The following HS3ST4 variants were observed in gnomAD, a reference collection of about 807,000 sequenced individuals.
HS3ST4 encodes the protein heparan sulfate glucosamine 3-O-sulfotransferase 4.
In HS3ST4, 17 loss-of-function variants were observed where a neutral mutation model predicts 29.2. That is an observed-to-expected ratio of 0.58 (90% confidence interval 0.40 to 0.87). The LOEUF (loss-of-function observed/expected upper bound fraction) is 0.87. Ranked by LOEUF, HS3ST4 falls within the 40% of genes least tolerant of loss-of-function variation. The pLI, the probability that HS3ST4 is intolerant of heterozygous loss-of-function variation, is 0.00. For missense variants in HS3ST4, 627 were observed against 634.5 expected (o/e 0.99, Z 0.13); for synonymous variants, 314 against 285.7 (o/e 1.10, Z -1.00).
At chr16:25,723,478 G>A (rs1023743319) in intron 1 of HS3ST4, among the ~76,000 whole-genome samples, 3 of 152,072 alleles carry the variant, frequency 2.0e-5, no homozygotes, top group Non-Finnish European at 4.4e-5. Context: ...TACTGTTCAG[G>A]GTTCTAGGAA....
At chr16:26,089,719 T>C (rs1194972704) in intron 1 of HS3ST4, among the ~76,000 whole-genome samples, 1 of 152,234 alleles carries the variant, frequency 6.6e-6, no homozygotes. Context: ...TTGTTTTGCT[T>C]CTGTTCGCTT....
chr16:25,748,774 C>A (rs1966700506), intron 1 of HS3ST4, among the ~76,000 whole-genome samples: 1 of 152,170 alleles, frequency 6.6e-6, no homozygotes. Flanking sequence ...TGCCTGACTT[C>A]TCATAAATTG....
At chr16:26,072,365 G>T (rs1415707306) in intron 1 of HS3ST4, among the ~76,000 whole-genome samples, 1 of 152,154 alleles carries the variant, frequency 6.6e-6, no homozygotes, top group East Asian at 1.9e-4. Flanking sequence ...GTGTACTCTG[G>T]CTGATGAGCT....
intron 1 of HS3ST4, among the ~76,000 whole-genome samples, chr16:25,741,162 T>C (rs1345831822): frequency 6.6e-6 from 1 of 152,086 alleles, no homozygotes; most frequent in Non-Finnish European, 1.5e-5. Context: ...AAACATGTAT[T>C]GTACGCAGAC....
chr16:25,731,116 G>GGCTT (rs56000924), intron 1 of HS3ST4, among the ~76,000 whole-genome samples: 7,414 of 152,108 alleles, frequency 0.049, 304 homozygotes, highest in African/African-American at 0.11. Flanking sequence ...GCTTGCCTGA[G>GGCTT]GCTTGGTGTC....
Position 26,027,327 on chromosome 16 carries a change from A to G in HS3ST4, c.735-108285A>G, listed in dbSNP as rs77047941. ...ATTTCTGTGGTTCTCATTGGCCAGT[A>G]GTTGAAACATGACCCAGGGAACTAC... On this transcript the variant is annotated intron_variant, in intron 1 of 1. Transcript: ENST00000331351. Among the ~76,000 whole-genome samples the G allele has an allele frequency of 3.2e-3, 488 of 152,302 alleles. 13 individuals carry two copies. In the East Asian group the frequency reaches 0.054, roughly 17 times the overall value.
At chr16:26,021,978 T>G (rs551485460) in intron 1 of HS3ST4, among the ~76,000 whole-genome samples, 18 of 152,030 alleles carry the variant, frequency 1.2e-4, no homozygotes, top group Admixed American at 6.5e-4. Flanking sequence ...TATTATTTTT[T>G]GGGGGACAGG....
intron 1 of HS3ST4, among the ~76,000 whole-genome samples, chr16:25,894,604 C>A (rs2141670432): frequency 6.6e-6 from 1 of 151,712 alleles, no homozygotes; most frequent in African/African-American, 2.4e-5. Context: ...CTCCCAGGTT[C>A]AAGTGACTCT....
intron 1 of HS3ST4, among the ~76,000 whole-genome samples, chr16:26,051,816 T>C (rs1314971061): frequency 6.6e-6 from 1 of 151,188 alleles, no homozygotes; most frequent in East Asian, 1.9e-4. Context: ...TCTCCCTTTC[T>C]TTCCATTCTC....
intron 1 of HS3ST4, among the ~76,000 whole-genome samples, chr16:25,751,609 T>C (rs1426719013): frequency 2.6e-5 from 4 of 152,196 alleles, no homozygotes; most frequent in Admixed American, 6.5e-5. Flanking sequence ...TGAATAGTGC[T>C]AACAGACCTG....
intron 1 of HS3ST4, among the ~76,000 whole-genome samples, chr16:26,117,272 A>G (rs1899213450): frequency 1.3e-5 from 2 of 152,248 alleles, no homozygotes; most frequent in Admixed American, 1.3e-4. Context: ...CCCCACAACC[A>G]TAAATGAACC....
chr16:25,903,347 T>G (rs146263854), intron 1 of HS3ST4, among the ~76,000 whole-genome samples: 3,513 of 106,650 alleles, frequency 0.033, 132 homozygotes, highest in African/African-American at 0.1. Flanking sequence ...ATATATTATA[T>G]ATATGTATAT....
intron 1 of HS3ST4, among the ~76,000 whole-genome samples, chr16:26,041,648 C>T (rs890578520): frequency 3.3e-5 from 5 of 152,040 alleles, no homozygotes; most frequent in Admixed American, 2.6e-4. Flanking sequence ...TCTGTGGCAA[C>T]TACTCAACTT....
intron 1 of HS3ST4, among the ~76,000 whole-genome samples, chr16:25,768,491 A>G (rs762646716): frequency 5.3e-5 from 8 of 152,076 alleles, no homozygotes; most frequent in Non-Finnish European, 8.8e-5. Context: ...GGATCTCACC[A>G]GGTGTGAGCC....
chr16:25,831,958 T>C (rs1414873502), intron 1 of HS3ST4, among the ~76,000 whole-genome samples: 1 of 151,944 alleles, frequency 6.6e-6, no homozygotes, highest in Admixed American at 6.6e-5. Context: ...ATTTAAAAAT[T>C]AGCTGTGTGT....
At chr16:25,922,506 T>C (rs1007519915) in intron 1 of HS3ST4, among the ~76,000 whole-genome samples, 2 of 152,180 alleles carry the variant, frequency 1.3e-5, no homozygotes, top group East Asian at 3.9e-4. Flanking sequence ...CAGGCTATGG[T>C]GTTTTGTTAT....
intron 1 of HS3ST4, among the ~76,000 whole-genome samples, chr16:25,758,459 C>T (rs1966770338): frequency 6.6e-6 from 1 of 152,108 alleles, no homozygotes; most frequent in Non-Finnish European, 1.5e-5. Flanking sequence ...CAAGTCTGCT[C>T]CCTTTAGGGT....
rs141566200 is a variant in HS3ST4 at position 25,754,921 on chromosome 16, CCATT to C, written c.734+61774_734+61777del. Among the ~76,000 whole-genome samples the C allele has an allele frequency of 2.5e-3, 376 of 152,136 alleles. 2 individuals are homozygous for C. The highest frequency in any genetic ancestry group is 8.7e-3 in the African/African-American group (360 of 41,526). On this transcript the variant is annotated intron_variant, in intron 1 of 1. Coordinates refer to ENST00000331351, the MANE Select transcript of HS3ST4 (RefSeq NM_006040.3). ...TCAACCTGCCCATCCACCCATCCAT[CCATT>C]CATCCACCCATCTGCCTATCTATCT...
intron 1 of HS3ST4, among the ~76,000 whole-genome samples, chr16:25,796,490 C>T (rs911615728): frequency 2.6e-5 from 4 of 152,126 alleles, no homozygotes; most frequent in African/African-American, 7.2e-5. Flanking sequence ...GTCTGTCTTC[C>T]GGTCTATAGT....
Sources: allele counts gnomAD v4.1 joint callset (sites outside exome capture counted in the v4.1 genomes callset), GRCh38; gene constraint gnomAD v4.1.1; transcripts MANE v1.5; gene names NCBI Gene and HGNC (gene_info 2026-07-23, HGNC 2026-07-21).